Variants in PTPRD observed in about 807,000 individuals in gnomAD.
The protein encoded by PTPRD is protein tyrosine phosphatase receptor type D.
In PTPRD, 34 loss-of-function variants were observed where a neutral mutation model predicts 214.5. The observed-to-expected ratio is 0.16, with a 90% CI of 0.12 to 0.21. The LOEUF (loss-of-function observed/expected upper bound fraction) is 0.21. Among genes scored for constraint, PTPRD ranks in the 10% least tolerant of loss-of-function variants. The pLI is 1.00. For missense variants in PTPRD, 2,545 were observed against 2,398.7 expected (o/e 1.06, Z -1.27); for synonymous variants, 1,128 against 845.7 (o/e 1.33, Z -5.79).
chr9:9,516,573 C>G (rs2096844290), intron 8 of PTPRD, among the ~76,000 whole-genome samples: 1 of 151,476 alleles, frequency 6.6e-6, no homozygotes, highest in African/African-American at 2.4e-5. Flanking sequence ...GATTCTTGCT[C>G]TGTTGCCAGG....
chr9:10,127,688 C>T lies in PTPRD; in HGVS notation c.-544-93898G>A, dbSNP rs116212218. Among the ~76,000 whole-genome samples, 596 of 152,276 alleles carry T rather than the reference C, an allele frequency of 3.9e-3. 2 individuals are homozygous for T. Among genetic ancestry groups the T allele is most frequent in the African/African-American group, 0.014 (570 of 41,572 alleles). ...AATATTATATAAAATATACAACCTACACTGGTAAATTCATTAACCTCTTCC... is the reference window on the plus strand; with the variant it reads ...AATATTATATAAAATATACAACCTATACTGGTAAATTCATTAACCTCTTCC... On this transcript the variant is annotated intron_variant, in intron 3 of 45. Coordinates refer to ENST00000381196, the MANE Select transcript of PTPRD (RefSeq NM_002839.4).
intron 14 of PTPRD, among the ~76,000 whole-genome samples, chr9:8,596,266 T>C (rs1432936550): frequency 6.6e-6 from 1 of 152,068 alleles, no homozygotes. Context: ...ATGGATTATA[T>C]GGATTATATG....
At chr9:9,911,907 A>G (rs1271041234) in intron 5 of PTPRD, among the ~76,000 whole-genome samples, 1 of 152,130 alleles carries the variant, frequency 6.6e-6, no homozygotes. Context: ...TAAAATACAA[A>G]GAGATCATCT....
intron 12 of PTPRD, among the ~76,000 whole-genome samples, chr9:8,670,242 T>C (rs1490616944): frequency 6.6e-6 from 1 of 152,194 alleles, no homozygotes; most frequent in Non-Finnish European, 1.5e-5. Flanking sequence ...GTACATTAGA[T>C]ATTTAGACTT....
intron 12 of PTPRD, among the ~76,000 whole-genome samples, chr9:8,719,652 G>T (rs1205558693): frequency 6.6e-6 from 1 of 152,124 alleles, no homozygotes; most frequent in Admixed American, 6.5e-5. Context: ...ATTGGCTGTG[G>T]CTACTTTCTT....
chr9:10,360,925 A>G (rs1207713675), intron 2 of PTPRD, among the ~76,000 whole-genome samples: 2 of 151,880 alleles, frequency 1.3e-5, no homozygotes, highest in Non-Finnish European at 2.9e-5. Flanking sequence ...ACACGATGAA[A>G]CCCCGTCTCT....
chr9:8,955,812 A>G (rs534143540), intron 11 of PTPRD, among the ~76,000 whole-genome samples: 19 of 151,866 alleles, frequency 1.3e-4, no homozygotes, highest in Non-Finnish European at 2.2e-4. Context: ...AACTCATTAA[A>G]TCATCTTAAA....
At chr9:8,524,726 A>G in intron 18 of PTPRD, 199 bp downstream of exon 18, 1 of 718,160 alleles carries the variant, frequency 1.4e-6, no homozygotes, top group Admixed American at 1.9e-5. Context: ...CTCAGGACAG[A>G]TTATACTCAA....
chr9:8,717,360 G>C (rs1263235680), intron 12 of PTPRD, among the ~76,000 whole-genome samples: 1 of 152,064 alleles, frequency 6.6e-6, no homozygotes, highest in Non-Finnish European at 1.5e-5. Context: ...CACTTATAAA[G>C]TCAACTCATC....
chr9:9,296,562 T>C (rs1953127567), intron 9 of PTPRD, among the ~76,000 whole-genome samples: 1 of 151,698 alleles, frequency 6.6e-6, no homozygotes, highest in Admixed American at 6.6e-5. Context: ...GAAATGGGGA[T>C]AGAGTGATAG....
At chr9:9,038,116 G>T (rs905165268) in intron 10 of PTPRD, among the ~76,000 whole-genome samples, 3 of 152,074 alleles carry the variant, frequency 2.0e-5, no homozygotes, top group African/African-American at 7.2e-5. Flanking sequence ...TCTCTTCCAT[G>T]TCTGGATTCA....
intron 11 of PTPRD, among the ~76,000 whole-genome samples, chr9:8,988,046 A>C (rs2099352426): frequency 6.6e-6 from 1 of 151,964 alleles, no homozygotes; most frequent in Non-Finnish European, 1.5e-5. Context: ...GTAAGGAGGA[A>C]GTTGGGGAGA....
intron 7 of PTPRD, among the ~76,000 whole-genome samples, chr9:9,628,604 T>C (rs1042026870): frequency 3.3e-5 from 5 of 152,194 alleles, no homozygotes; most frequent in African/African-American, 1.2e-4. Flanking sequence ...TAAAAAACTC[T>C]TAATGACAGA....
At chr9:9,842,759 G>A (rs1007172538) in intron 5 of PTPRD, among the ~76,000 whole-genome samples, 44 of 151,722 alleles carry the variant, frequency 2.9e-4, no homozygotes, top group African/African-American at 8.0e-4. Flanking sequence ...CATACACCAG[G>A]TGGTGGCCCA....
chr9:9,568,564 T>G (rs537258606), intron 8 of PTPRD, among the ~76,000 whole-genome samples: 2 of 152,038 alleles, frequency 1.3e-5, no homozygotes, highest in East Asian at 3.9e-4. Context: ...CATCCAATTA[T>G]GACAGTGAGA....
chr9:10,031,667 TAC>T (rs1228215422), intron 4 of PTPRD, among the ~76,000 whole-genome samples: 9 of 93,292 alleles, frequency 9.6e-5, no homozygotes, highest in East Asian at 4.8e-4. Flanking sequence ...CACACACACA[TAC>T]ACACACACAC....
intron 36 of PTPRD, among the ~76,000 whole-genome samples, chr9:8,391,603 T>A (rs932046599): frequency 6.6e-6 from 1 of 152,148 alleles, no homozygotes; most frequent in Non-Finnish European, 1.5e-5. Flanking sequence ...AAAACCTACT[T>A]TCAAAACTTT....
intron 6 of PTPRD, among the ~76,000 whole-genome samples, chr9:9,754,755 T>A (rs1034564416): frequency 2.0e-5 from 3 of 152,036 alleles, no homozygotes; most frequent in African/African-American, 7.2e-5. Flanking sequence ...GTAAAGTAGA[T>A]TGTTCAATTG....
intron 10 of PTPRD, among the ~76,000 whole-genome samples, chr9:9,075,452 T>A (rs1040788064): frequency 7.2e-5 from 11 of 152,194 alleles, no homozygotes; most frequent in African/African-American, 2.4e-4. Flanking sequence ...AGGGTACATG[T>A]GCACAACGTG....
Sources: allele counts gnomAD v4.1 joint callset (sites outside exome capture counted in the v4.1 genomes callset), GRCh38; gene constraint gnomAD v4.1.1; transcripts MANE v1.5; gene names NCBI Gene and HGNC (gene_info 2026-07-23, HGNC 2026-07-21).